ADSS2: variants seen among roughly 807,000 people sequenced by gnomAD.
ADSS2 encodes the protein adenylosuccinate synthetase isozyme 2.
ADSS2 carries 30 observed loss-of-function variants against 60.0 expected under a neutral mutation model. The observed-to-expected ratio is 0.50, with a 90% CI of 0.37 to 0.68. The LOEUF (loss-of-function observed/expected upper bound fraction) is 0.68. Among genes scored for constraint, ADSS2 ranks in the 30% least tolerant of loss-of-function variants. The probability of loss-of-function intolerance (pLI) is 0.00; values close to 1 mark genes in which losing one functional copy is unlikely to be tolerated. For synonymous variants in ADSS2, 187 were observed against 193.1 expected (o/e 0.97, Z 0.26); for missense variants, 373 against 554.8 (o/e 0.67, Z 3.29).
chr1:244,431,081 T>C (rs1380677635), intron 4 of ADSS2, among the ~76,000 whole-genome samples: 1 of 151,908 alleles, frequency 6.6e-6, no homozygotes, highest in Non-Finnish European at 1.5e-5. Flanking sequence ...ATCACCCCAC[T>C]GCACTCCAGC....
intron 10 of ADSS2, among the ~76,000 whole-genome samples, chr1:244,416,879 C>T (rs752861290): frequency 6.6e-6 from 1 of 152,082 alleles, no homozygotes; most frequent in Non-Finnish European, 1.5e-5. Context: ...CAAAATTTCC[C>T]GACAAACTGA....
Position 244,451,614 on chromosome 1 carries a change from T to G in ADSS2, c.183+21A>C, listed in dbSNP as rs770510850. On this transcript the variant is annotated intron_variant, in intron 1 of 12. Coordinates refer to ENST00000366535, the MANE Select transcript of ADSS2 (RefSeq NM_001126.5). This position sits in a 1 kb window ranked among gnomAD's most constrained non-coding sequence, Gnocchi z 6.6. ...CCGAGCTCCCGGGCCCGGCTTCCCATGAGAGGCCCCGTCGCCTCACCTGGC... is the reference window on the plus strand; with the variant it reads ...CCGAGCTCCCGGGCCCGGCTTCCCAGGAGAGGCCCCGTCGCCTCACCTGGC... 47 of 1,596,678 alleles carry G rather than the reference T, an allele frequency of 2.9e-5. No individual in the cohort carries two copies. Among genetic ancestry groups the G allele is most frequent in the Non-Finnish European group, 3.7e-5 (43 of 1,170,878 alleles).
At chr1:244,418,735 GATT>G in intron 9 of ADSS2, 22 bp downstream of exon 9, 2 of 1,555,354 alleles carry the variant, frequency 1.3e-6, no homozygotes, top group Non-Finnish European at 1.7e-6. Flanking sequence ...AATACATTTT[GATT>G]ATTTACTTAG....
In ADSS2 at chr1:244,449,106, C is replaced by T. The variant is rs1665469349; in HGVS notation, c.183+2529G>A. Among the ~76,000 whole-genome samples the T allele has an allele frequency of 3.3e-5, 5 of 152,170 alleles. 1 individual carries two copies. The highest frequency in any genetic ancestry group is 2.0e-4 in the Admixed American group (3 of 15,292). On this transcript the variant is annotated intron_variant, in intron 1 of 12. Coordinates refer to ENST00000366535, the MANE Select transcript of ADSS2 (RefSeq NM_001126.5). ...AACCTACCAAGTTATAAATAACTCC[C>T]CATAAATCCTGAATCTGAACAACAC... is the stretch of plus-strand genomic sequence containing the variant.
rs777691388 is a variant in ADSS2, at chr1:244,417,769, T to C, written c.946-17A>G. ...TCCAATTTCCTACAGAACAGAAAAT[T>C]GAACTTTAGGATTAGAATAGCAGTG... On this transcript the variant is annotated splice_polypyrimidine_tract_variant and intron_variant, in intron 9 of 12. Transcript: ENST00000366535. The C allele has an allele frequency of 6.8e-6, 11 of 1,611,232 alleles. No individual in the cohort carries two copies. Among genetic ancestry groups the C allele is most frequent in the Admixed American group, 5.0e-5 (3 of 59,940 alleles).
intron 4 of ADSS2, chr1:244,424,631 G>A: frequency 1.4e-5 from 4 of 287,238 alleles, no homozygotes; most frequent in Admixed American, 4.9e-5. Flanking sequence ...TCATTAAGAG[G>A]GTAATTTTGA....
At chr1:244,411,160 G>A (rs1016970262) in intron 12 of ADSS2, 127 bp downstream of exon 12, 13 of 885,702 alleles carry the variant, frequency 1.5e-5, no homozygotes, top group South Asian at 3.6e-5. Flanking sequence ...GGCAGAGGTT[G>A]CAGTGAGCCG....
At chr1:244,423,903 A>T in intron 6 of ADSS2, 50 bp downstream of exon 6, 1 of 1,493,558 alleles carries the variant, frequency 6.7e-7, no homozygotes, top group Non-Finnish European at 9.2e-7. Flanking sequence ...ATTTTAAAAA[A>T]AATCAAAAAA....
intron 1 of ADSS2, among the ~76,000 whole-genome samples, chr1:244,450,217 T>G (rs1466967765): frequency 6.6e-6 from 1 of 152,190 alleles, no homozygotes; most frequent in East Asian, 1.9e-4. Context: ...TTCTGGAGTA[T>G]TTCCTAAGAA....
intron 4 of ADSS2, among the ~76,000 whole-genome samples, chr1:244,429,557 T>C (rs1364947906): frequency 2.0e-5 from 3 of 152,218 alleles, no homozygotes; most frequent in Non-Finnish European, 4.4e-5. Flanking sequence ...TTAATGATAC[T>C]ATTTATTCCT....
chr1:244,421,767 T>G (rs1664680381), intron 7 of ADSS2, among the ~76,000 whole-genome samples: 1 of 152,102 alleles, frequency 6.6e-6, no homozygotes, highest in Admixed American at 6.6e-5. Context: ...CTGCTTTAGC[T>G]CAGGCGTTCA....
chr1:244,431,400 A>G (rs1445985872), intron 4 of ADSS2, among the ~76,000 whole-genome samples: 1 of 152,140 alleles, frequency 6.6e-6, no homozygotes, highest in Admixed American at 6.5e-5. Context: ...GCCATTAATA[A>G]TTCTGGAAAT....
chr1:244,438,152 ATAGAG>A (rs560474761), intron 1 of ADSS2, among the ~76,000 whole-genome samples: 4 of 152,324 alleles, frequency 2.6e-5, no homozygotes, highest in East Asian at 3.8e-4. Context: ...ATCTCTTAAG[ATAGAG>A]TAATCTATCC....
chr1:244,420,075 G>A, intron 8 of ADSS2, 95 bp downstream of exon 8: 2 of 1,300,374 alleles, frequency 1.5e-6, no homozygotes, highest in Non-Finnish European at 2.1e-6. Context: ...TAAAAACATT[G>A]TTTTAAAACT....
chr1:244,438,497 A>G (rs1009221297), intron 1 of ADSS2, among the ~76,000 whole-genome samples: 3 of 152,264 alleles, frequency 2.0e-5, no homozygotes, highest in African/African-American at 7.2e-5. Flanking sequence ...TACAAAAAGT[A>G]GGTACAAAGG....
chr1:244,433,217 C>T (rs768136754), intron 3 of ADSS2, among the ~76,000 whole-genome samples: 1 of 151,978 alleles, frequency 6.6e-6, no homozygotes, highest in African/African-American at 2.4e-5. Flanking sequence ...GTGTATGTGG[C>T]GGAGCGAGAT....
chr1:244,416,367 G>C (rs771173289), intron 10 of ADSS2, among the ~76,000 whole-genome samples: 1 of 152,182 alleles, frequency 6.6e-6, no homozygotes, highest in African/African-American at 2.4e-5. Flanking sequence ...ACCCAGGCTG[G>C]AGTGTAGTGG....
intron 1 of ADSS2, among the ~76,000 whole-genome samples, chr1:244,445,737 T>C (rs1390221356): frequency 6.6e-6 from 1 of 152,130 alleles, no homozygotes; most frequent in Non-Finnish European, 1.5e-5. Context: ...TACTGGGCCT[T>C]CTCCTTCCCT....
chr1:244,439,827 A>G (rs1321375195), intron 1 of ADSS2, among the ~76,000 whole-genome samples: 2 of 152,170 alleles, frequency 1.3e-5, no homozygotes, highest in South Asian at 2.1e-4. Context: ...CAGGTTCTCA[A>G]TGCTAGGATG....
Sources: allele counts gnomAD v4.1 joint callset (sites outside exome capture counted in the v4.1 genomes callset), GRCh38; gene constraint gnomAD v4.1.1; non-coding constraint Gnocchi (gnomAD v3.1); transcripts MANE v1.5; gene names NCBI Gene and HGNC (gene_info 2026-07-23, HGNC 2026-07-21).